Variants in NTM observed in about 807,000 individuals in gnomAD.
NTM encodes the protein IgLON family member 2.
A neutral mutation model predicts 42.1 loss-of-function variants in NTM; 13 were observed. That is an observed-to-expected ratio of 0.31 (90% confidence interval 0.20 to 0.49). The LOEUF (loss-of-function observed/expected upper bound fraction) is 0.49, where lower values mean the gene tolerates loss of function less well. Ranked by LOEUF, NTM falls within the 20% of genes least tolerant of loss-of-function variation. NTM has a pLI of 0.99. For missense variants in NTM, 373 were observed against 452.8 expected, an observed-to-expected ratio of 0.82 and a Z score of 1.60; for synonymous variants, 187 against 179.2, an observed-to-expected ratio of 1.04 and a Z score of -0.35.
chr11:132,136,791 C>T (rs2068007380), intron 2 of NTM, among the ~76,000 whole-genome samples: 4 of 152,032 alleles, frequency 2.6e-5, no homozygotes, highest in Admixed American at 6.5e-5. Context: ...TAGGAGTGTG[C>T]TAGAGGCAGG....
At chr11:132,255,120 G>T (rs1292257305) in intron 4 of NTM, among the ~76,000 whole-genome samples, 1 of 152,212 alleles carries the variant, frequency 6.6e-6, no homozygotes, top group Non-Finnish European at 1.5e-5. Context: ...ATGTGGAAGT[G>T]GTGGATGCTG....
intron 1 of NTM, among the ~76,000 whole-genome samples, chr11:131,706,775 TC>T (rs2076633517): frequency 6.6e-6 from 1 of 151,968 alleles, no homozygotes; most frequent in Non-Finnish European, 1.5e-5. Flanking sequence ...TTTTTTAAAA[TC>T]TTAAAACAAA....
At chr11:132,310,815 T>C (rs2095258274) in intron 6 of NTM, among the ~76,000 whole-genome samples, 1 of 152,126 alleles carries the variant, frequency 6.6e-6, no homozygotes, top group Non-Finnish European at 1.5e-5. Flanking sequence ...GGGATATTTG[T>C]TGTGAGTCAC....
At chr11:132,126,572 G>A (rs2065879120) in intron 2 of NTM, among the ~76,000 whole-genome samples, 1 of 152,166 alleles carries the variant, frequency 6.6e-6, no homozygotes, top group Admixed American at 6.5e-5. Context: ...AGCAGCTGCT[G>A]TCATTTCTCC....
intron 1 of NTM, among the ~76,000 whole-genome samples, chr11:131,800,466 A>G (rs1456733800): frequency 6.6e-6 from 1 of 152,270 alleles, no homozygotes; most frequent in African/African-American, 2.4e-5. Flanking sequence ...GAAGCAACAT[A>G]TCTTTTCTTC....
At chr11:132,174,444 C>T (rs1476095008) in intron 3 of NTM, among the ~76,000 whole-genome samples, 1 of 152,194 alleles carries the variant, frequency 6.6e-6, no homozygotes, top group South Asian at 2.1e-4. Context: ...AAGAATGTAC[C>T]TTGCTACATG....
intron 1 of NTM, among the ~76,000 whole-genome samples, chr11:131,482,578 C>T (rs968794063): frequency 1.3e-5 from 2 of 152,190 alleles, no homozygotes; most frequent in African/African-American, 4.8e-5. Context: ...CCACAGGAAT[C>T]ATTAACGTGA....
At chr11:132,185,696 T>G (rs963949108) in intron 3 of NTM, among the ~76,000 whole-genome samples, 3 of 152,188 alleles carry the variant, frequency 2.0e-5, no homozygotes, top group Admixed American at 6.5e-5. Flanking sequence ...TTTAATATAA[T>G]TATTTTTAAA....
At chr11:132,273,666 G>A (rs891976870) in intron 4 of NTM, among the ~76,000 whole-genome samples, 9 of 152,046 alleles carry the variant, frequency 5.9e-5, no homozygotes, top group African/African-American at 2.2e-4. Flanking sequence ...TAGCACTTTG[G>A]GAGGCCGAGG....
intron 1 of NTM, among the ~76,000 whole-genome samples, chr11:131,603,795 T>C (rs1427444455): frequency 1.3e-5 from 2 of 152,220 alleles, no homozygotes; most frequent in East Asian, 3.8e-4. Context: ...TGTGGTCTTA[T>C]GTGACTTATT....
intron 2 of NTM, among the ~76,000 whole-genome samples, chr11:131,974,031 A>G (rs924136560): frequency 2.0e-5 from 3 of 151,674 alleles, no homozygotes; most frequent in African/African-American, 4.9e-5. Context: ...TGAGTAGTAC[A>G]TATATTTTTT....
chr11:131,903,502 T>C (rs1434309903), intron 1 of NTM, among the ~76,000 whole-genome samples: 2 of 152,252 alleles, frequency 1.3e-5, no homozygotes, highest in Non-Finnish European at 2.9e-5. Flanking sequence ...ATCTTGACTC[T>C]TCCGTCGCTT....
intron 2 of NTM, among the ~76,000 whole-genome samples, chr11:132,056,654 C>G (rs1173943769): frequency 6.6e-6 from 1 of 152,206 alleles, no homozygotes; most frequent in Admixed American, 6.5e-5. Flanking sequence ...TCTTTGAACA[C>G]TAAAATTATG....
intron 3 of NTM, among the ~76,000 whole-genome samples, chr11:132,148,299 T>C (rs1461461704): frequency 6.6e-6 from 1 of 152,204 alleles, no homozygotes; most frequent in Non-Finnish European, 1.5e-5. Context: ...CATTTTTTAA[T>C]GTAAAATACA....
chr11:131,388,966 C>T (rs982712470), intron 1 of NTM, among the ~76,000 whole-genome samples: 4 of 135,824 alleles, frequency 2.9e-5, no homozygotes, highest in Non-Finnish European at 6.1e-5. Context: ...GAGACAAGAT[C>T]ATGCCAATGC....
At chr11:131,746,070 C>G (rs556369506) in intron 1 of NTM, among the ~76,000 whole-genome samples, 1 of 152,012 alleles carries the variant, frequency 6.6e-6, no homozygotes, top group African/African-American at 2.4e-5. Flanking sequence ...GCCTGGCCAT[C>G]GTCCGTCTGT....
intron 2 of NTM, among the ~76,000 whole-genome samples, chr11:132,079,521 C>T (rs938509237): frequency 1.3e-5 from 2 of 152,134 alleles, no homozygotes; most frequent in African/African-American, 4.8e-5. Flanking sequence ...GGAAAAAGTC[C>T]CTATCTCCTG....
chr11:131,383,901 A>G (rs1267469758), intron 1 of NTM, among the ~76,000 whole-genome samples: 2 of 152,198 alleles, frequency 1.3e-5, no homozygotes, highest in Non-Finnish European at 2.9e-5. Flanking sequence ...CCAGTTAGGC[A>G]TGAGGTCACC....
intron 4 of NTM, among the ~76,000 whole-genome samples, chr11:132,239,558 A>C (rs894235749): frequency 4.6e-5 from 7 of 152,184 alleles, no homozygotes; most frequent in Non-Finnish European, 7.3e-5. Context: ...ACTGAGAGAG[A>C]CAGAAAAAAA....
Sources: gnomAD v4.1 joint callset for allele counts (sites outside exome capture counted in the v4.1 genomes callset) on GRCh38, gnomAD v4.1.1 for gene constraint, MANE v1.5 for transcripts, NCBI Gene and HGNC (gene_info 2026-07-23, HGNC 2026-07-21) for gene names.